The following RPS6KA2 variants were observed in gnomAD, a reference collection of about 807,000 sequenced individuals.
RPS6KA2 encodes the protein ribosomal protein S6 kinase alpha-2.
In RPS6KA2, 42 loss-of-function variants were observed where a neutral mutation model predicts 91.8. The observed-to-expected ratio is 0.46, with a 90% CI of 0.36 to 0.59. The LOEUF (loss-of-function observed/expected upper bound fraction) is 0.59, where lower values mean the gene tolerates loss of function less well. Ranked by LOEUF, RPS6KA2 falls within the 20% of genes least tolerant of loss-of-function variation. The pLI is 0.00. For synonymous variants in RPS6KA2, 414 were observed against 393.6 expected (o/e 1.05, Z -0.61); for missense variants, 798 against 978.5 (o/e 0.82, Z 2.46).
At position 166,508,928 on chromosome 6, in the gene RPS6KA2, G is replaced by A. The variant is rs898985442; in HGVS notation, c.380-646C>T. Among the ~76,000 whole-genome samples the A allele has an allele frequency of 6.6e-6, 1 of 152,200 alleles. No homozygotes were observed. The highest frequency in any genetic ancestry group is 1.5e-5 in the Non-Finnish European group (1 of 68,042). On this transcript the variant is annotated intron_variant, in intron 4 of 20. Transcript: ENST00000265678. The surrounding 1 kb of genome is among the most constrained non-coding windows in gnomAD (Gnocchi z 4.3). ...AAGGGCCTGCCTCTGTTGAGCGGGC[G>A]CATGAGCACGGGAGGGTCTAGAGAA... is the stretch of plus-strand genomic sequence containing the variant.
chr6:166,791,015 A>G (rs1007414426), intron 2 of RPS6KA2, among the ~76,000 whole-genome samples: 27 of 152,208 alleles, frequency 1.8e-4, no homozygotes, highest in African/African-American at 6.5e-4. Flanking sequence ...ACATAACAAT[A>G]TTAACTTTAA....
Position 166,478,915 on chromosome 6 carries a change from GCA to G in RPS6KA2, c.908-9012_908-9011del, listed in dbSNP as rs1781082968. On this transcript the variant is annotated intron_variant, in intron 10 of 20. Coordinates refer to ENST00000265678, the MANE Select transcript of RPS6KA2 (RefSeq NM_021135.6). The stretch of plus-strand genomic sequence containing the variant: ...CTCAGTTCGTAGAATAAATAAGCAA[GCA>G]CAGAGAGGTGAAGCCATCCGCTCAG... Among the ~76,000 whole-genome samples the G allele has an allele frequency of 1.3e-5, 2 of 152,234 alleles. 1 individual carries two copies. The highest frequency in any genetic ancestry group is 4.1e-4 in the South Asian group (2 of 4,830).
chr6:166,531,242 G>A lies in RPS6KA2; in HGVS notation c.288C>T (p.Ala96=), dbSNP rs1783264369. The A allele has an allele frequency of 6.2e-7, 1 of 1,613,518 alleles. No individual in the cohort carries two copies. The highest frequency in any genetic ancestry group is 1.1e-5 in the South Asian group (1 of 91,050). The change falls in exon 3 of 21, where the codon GCC becomes GCT. Residue 96 remains alanine (A), a synonymous_variant. Transcript: ENST00000265678. ...TTCCGAAGCTCTTACCTTTTAGGGT[G>A]GCTTTCTTAAGGACCTTCATGGCGT... The part of the protein sequence containing the change: ...QLYAMKVLKK[A]TLKVRDRVRS...
chr6:166,470,203 G>A (rs966205196), intron 10 of RPS6KA2, among the ~76,000 whole-genome samples: 6 of 152,248 alleles, frequency 3.9e-5, no homozygotes, highest in African/African-American at 1.4e-4. Context: ...GCATGTGACG[G>A]CTGCCTAGCA....
chr6:166,434,627 A>T lies in RPS6KA2; in HGVS notation c.1333-2137T>A, dbSNP rs1221696253. Reference sequence around the variant, plus strand: ...AATTAGAGAAGGTTAAAATACATTTATAAATTTATAAAAGAATTCAGTAGA... The same window carrying T: ...AATTAGAGAAGGTTAAAATACATTTTTAAATTTATAAAAGAATTCAGTAGA... On this transcript the variant is annotated intron_variant, in intron 14 of 20. Transcript: ENST00000265678. This position sits in a 1 kb window ranked among gnomAD's most constrained non-coding sequence, Gnocchi z 4.4. Among the ~76,000 whole-genome samples the T allele has an allele frequency of 4.6e-5, 7 of 152,238 alleles. No individual in the cohort carries two copies. Among genetic ancestry groups the T allele is most frequent in the Admixed American group, 2.6e-4 (4 of 15,286 alleles).
chr6:166,764,916 A>C, intron 2 of RPS6KA2, among the ~76,000 whole-genome samples: 1 of 152,226 alleles, frequency 6.6e-6, no homozygotes, highest in East Asian at 1.9e-4. Context: ...ACGACAAAGC[A>C]CTTTGGCAGC....
chr6:166,645,914 G>T (rs1014795431), intron 2 of RPS6KA2, among the ~76,000 whole-genome samples: 1 of 152,234 alleles, frequency 6.6e-6, no homozygotes, highest in African/African-American at 2.4e-5. Context: ...GTGAACTAAA[G>T]GATGCAAAGA....
rs555775832 is a variant in RPS6KA2, at chr6:166,612,222, T to C, written c.99+14699A>G. Among the ~76,000 whole-genome samples the C allele has an allele frequency of 6.6e-6, 1 of 152,068 alleles. No individual in the cohort carries two copies. Among genetic ancestry groups the C allele is most frequent in the African/African-American group, 2.4e-5 (1 of 41,488 alleles). ...GCTCTAGGAAAAGCCTGGAAGAGAC[T>C]CTCTGTGGGAAGCTCAGGGGAGTCA... On this transcript the variant is annotated intron_variant, in intron 1 of 20. Transcript: ENST00000265678. The surrounding 1 kb of genome is among the most constrained non-coding windows in gnomAD (Gnocchi z 4.3).
intron 2 of RPS6KA2, chr6:166,701,756 A>T: frequency 1.7e-6 from 2 of 1,169,692 alleles, no homozygotes; most frequent in Non-Finnish European, 2.6e-6. Flanking sequence ...GCTTGAAATC[A>T]TAGAAGTGAT....
Position 166,767,437 on chromosome 6 carries a change from A to G in RPS6KA2, c.123+90763T>C, listed in dbSNP as rs1583096516. Among the ~76,000 whole-genome samples the G allele has an allele frequency of 6.6e-6, 1 of 152,182 alleles. No homozygotes were observed. The highest frequency in any genetic ancestry group is 2.1e-4 in the South Asian group (1 of 4,828). ...GTGAAAGCGTGGTTAGAGGAAGACAAAAAGGACAGAGAAGCCAGCTCGCGC... is the reference window on the plus strand; with the variant it reads ...GTGAAAGCGTGGTTAGAGGAAGACAGAAAGGACAGAGAAGCCAGCTCGCGC... On this transcript the variant is annotated intron_variant, in intron 2 of 21. Coordinates refer to the RPS6KA2 transcript ENST00000503859. This position sits in a 1 kb window ranked among gnomAD's most constrained non-coding sequence, Gnocchi z 4.6.
At chr6:166,824,984 G>A (rs905220012) in intron 2 of RPS6KA2, among the ~76,000 whole-genome samples, 26 of 152,372 alleles carry the variant, frequency 1.7e-4, no homozygotes, top group African/African-American at 6.0e-4. Flanking sequence ...TGTCCGGGGT[G>A]CTAACTTGAA....
At chr6:166,463,503 C>T (rs1279516430) in intron 11 of RPS6KA2, 1 of 152,180 alleles carries the variant, frequency 6.6e-6, no homozygotes. Flanking sequence ...AGTGTGGCCG[C>T]AGGGCTGAAA....
intron 1 of RPS6KA2, among the ~76,000 whole-genome samples, chr6:166,600,666 C>CT (rs34092230): frequency 0.12 from 17,642 of 152,248 alleles, 1,154 homozygotes; most frequent in East Asian, 0.33. Flanking sequence ...AACACTAATT[C>CT]TTTTAACATA....
At chr6:166,856,520 T>C (rs1411681117) in intron 2 of RPS6KA2, among the ~76,000 whole-genome samples, 2 of 152,232 alleles carry the variant, frequency 1.3e-5, no homozygotes, top group Non-Finnish European at 2.9e-5. Context: ...CATGGTGTTA[T>C]GGAATCTTGT....
intron 2 of RPS6KA2, among the ~76,000 whole-genome samples, chr6:166,647,349 C>T (rs756588107): frequency 5.3e-5 from 8 of 152,176 alleles, no homozygotes; most frequent in Non-Finnish European, 1.2e-4. Context: ...GCCGCAATGG[C>T]CAGAGGCATG....
rs186612218 is a variant in RPS6KA2, at chr6:166,771,325, T to C, written c.123+86875A>G. Among the ~76,000 whole-genome samples the C allele has an allele frequency of 1.3e-4, 20 of 152,354 alleles. No individual in the cohort carries two copies. The East Asian group carries it at 3.3e-3, about 25-fold the overall frequency. On this transcript the variant is annotated intron_variant, in intron 2 of 21. Transcript: ENST00000503859. Reference sequence around the variant, plus strand: ...GTCTATGGAAGAGGCTCATTCCAGCTATTTTAATCTGTAGATTTCATCTTC... The same window carrying C: ...GTCTATGGAAGAGGCTCATTCCAGCCATTTTAATCTGTAGATTTCATCTTC...
intron 2 of RPS6KA2, among the ~76,000 whole-genome samples, chr6:166,634,518 C>A (rs2128547113): frequency 6.6e-6 from 1 of 152,286 alleles, no homozygotes; most frequent in Non-Finnish European, 1.5e-5. Flanking sequence ...CCATGACTTG[C>A]AAAACTGTCA....
In RPS6KA2 at chr6:166,770,420, C is replaced by T. The variant is rs552274302; in HGVS notation, c.123+87780G>A. ...GCCACCAGCCTGCAAACCTCGAGGG[C>T]AGACACAGCCCCAGGCAGCTTCAGC... On this transcript the variant is annotated intron_variant, in intron 2 of 21. Coordinates refer to the RPS6KA2 transcript ENST00000503859. This position sits in a 1 kb window ranked among gnomAD's most constrained non-coding sequence, Gnocchi z 5.1. Among the ~76,000 whole-genome samples, 1 of 151,610 alleles carries T rather than the reference C, an allele frequency of 6.6e-6. No individual in the cohort carries two copies. The highest frequency in any genetic ancestry group is 2.4e-5 in the African/African-American group (1 of 40,916).
intron 1 of RPS6KA2, among the ~76,000 whole-genome samples, chr6:166,618,663 A>T (rs1414850510): frequency 6.6e-6 from 1 of 152,228 alleles, no homozygotes; most frequent in Admixed American, 6.5e-5. Context: ...TCCCATGGCA[A>T]TTCGGGCAAA....
Sources: allele counts gnomAD v4.1 joint callset (sites outside exome capture counted in the v4.1 genomes callset), GRCh38; gene constraint gnomAD v4.1.1; non-coding constraint Gnocchi (gnomAD v3.1); transcripts MANE v1.5; gene names NCBI Gene and HGNC (gene_info 2026-07-23, HGNC 2026-07-21).